DDAH1: variants seen among roughly 807,000 people sequenced by gnomAD.
The protein encoded by DDAH1 is N(G),N(G)-dimethylarginine dimethylaminohydrolase 1.
DDAH1 carries 19 observed loss-of-function variants against 28.8 expected under a neutral mutation model. The observed-to-expected ratio is 0.66, with a 90% confidence interval of 0.46 to 0.97. The LOEUF (loss-of-function observed/expected upper bound fraction) is 0.97. DDAH1 is among the 50% of genes least tolerant of loss of function. The pLI, the probability that DDAH1 is intolerant of heterozygous loss-of-function variation, is 0.00. For synonymous variants in DDAH1, 153 were observed against 154.4 expected, an observed-to-expected ratio of 0.99 and a Z score of 0.07; for missense variants, 326 against 375.9, an observed-to-expected ratio of 0.87 and a Z score of 1.10.
chr1:85,385,230 T>C (rs1651194182), intron 1 of DDAH1, among the ~76,000 whole-genome samples: 1 of 152,230 alleles, frequency 6.6e-6, no homozygotes, highest in Admixed American at 6.5e-5. Context: ...GTAAAGCAGC[T>C]GGAAACACAG....
intron 1 of DDAH1, among the ~76,000 whole-genome samples, chr1:85,393,687 C>A (rs946676849): frequency 6.6e-6 from 1 of 152,152 alleles, no homozygotes; most frequent in African/African-American, 2.4e-5. Context: ...ACTTTTCCTG[C>A]CCATCTTGTC....
At chr1:85,409,152 C>G (rs1652532711) in intron 1 of DDAH1, among the ~76,000 whole-genome samples, 1 of 151,980 alleles carries the variant, frequency 6.6e-6, no homozygotes, top group African/African-American at 2.4e-5. Flanking sequence ...TTTTAGCTCA[C>G]CAGCTATTGT....
chr1:85,351,060 GTTTT>G (rs35352719), intron 3 of DDAH1, among the ~76,000 whole-genome samples: 1 of 137,202 alleles, frequency 7.3e-6, no homozygotes. Flanking sequence ...GGGTTTCCAA[GTTTT>G]TTTTTTTTTT....
At chr1:85,524,330 G>A (rs1657788515) in intron 1 of DDAH1, among the ~76,000 whole-genome samples, 2 of 144,676 alleles carry the variant, frequency 1.4e-5, no homozygotes, top group South Asian at 2.4e-4. Flanking sequence ...CAGCTGGGGT[G>A]ATCTGGAAAA....
chr1:85,406,126 GA>G (rs1404717718), intron 1 of DDAH1, among the ~76,000 whole-genome samples: 5 of 152,184 alleles, frequency 3.3e-5, no homozygotes, highest in Non-Finnish European at 7.3e-5. Flanking sequence ...GCCCAAAGAT[GA>G]GGAGTAATTT....
intron 1 of DDAH1, among the ~76,000 whole-genome samples, chr1:85,503,930 G>A (rs955981652): frequency 1.3e-5 from 2 of 152,114 alleles, no homozygotes; most frequent in African/African-American, 4.8e-5. Context: ...GAATCACAGG[G>A]GATGCGGTCA....
chr1:85,410,200 G>C (rs1013708965), intron 1 of DDAH1, among the ~76,000 whole-genome samples: 9 of 152,200 alleles, frequency 5.9e-5, no homozygotes, highest in Non-Finnish European at 1.3e-4. Context: ...ATAATCGCCT[G>C]AGCCTGGGAG....
chr1:85,449,014 C>T (rs1183273117), intron 1 of DDAH1, among the ~76,000 whole-genome samples: 1 of 152,100 alleles, frequency 6.6e-6, no homozygotes, highest in Non-Finnish European at 1.5e-5. Flanking sequence ...GTTATCGTAC[C>T]TCAAACTTCC....
intron 2 of DDAH1, among the ~76,000 whole-genome samples, chr1:85,491,774 A>C (rs916466288): frequency 6.6e-6 from 1 of 152,198 alleles, no homozygotes; most frequent in South Asian, 2.1e-4. Flanking sequence ...GTTTGATGTC[A>C]GTGTTTTTTC....
intron 1 of DDAH1, among the ~76,000 whole-genome samples, chr1:85,557,996 C>G (rs1261443767): frequency 6.6e-6 from 1 of 151,808 alleles, no homozygotes; most frequent in Non-Finnish European, 1.5e-5. Flanking sequence ...GCGGCCCTAG[C>G]AAATGAATAC....
At chr1:85,468,485 G>T (rs565188584), upstream of DDAH1, among the ~76,000 whole-genome samples, 1 of 152,138 alleles carries the variant, frequency 6.6e-6, no homozygotes, top group East Asian at 1.9e-4. Context: ...TGTCTTACAT[G>T]GCGGCAGGCA....
At chr1:85,572,250 T>C (rs1310389626) in intron 1 of DDAH1, among the ~76,000 whole-genome samples, 1 of 152,126 alleles carries the variant, frequency 6.6e-6, no homozygotes, top group Non-Finnish European at 1.5e-5. Context: ...CAGACTCTCA[T>C]TAAGAAACTG....
intron 1 of DDAH1, among the ~76,000 whole-genome samples, chr1:85,547,258 A>C (rs1019228249): frequency 6.6e-6 from 1 of 152,192 alleles, no homozygotes; most frequent in East Asian, 1.9e-4. Flanking sequence ...GGGCTGTGTA[A>C]GCATTCAACA....
intron 3 of DDAH1, among the ~76,000 whole-genome samples, chr1:85,350,866 G>A (rs574256739): frequency 6.6e-6 from 1 of 152,078 alleles, no homozygotes; most frequent in Non-Finnish European, 1.5e-5. Context: ...GGAGCATCTT[G>A]AGAGTTATAT....
intron 1 of DDAH1, among the ~76,000 whole-genome samples, chr1:85,504,512 A>G (rs1656939719): frequency 3.9e-5 from 6 of 152,222 alleles, no homozygotes; most frequent in Admixed American, 3.9e-4. Context: ...CAGATTTTGA[A>G]TCACAGTAGC....
intron 1 of DDAH1, among the ~76,000 whole-genome samples, chr1:85,438,232 A>G (rs1654031128): frequency 6.6e-6 from 1 of 152,192 alleles, no homozygotes; most frequent in Non-Finnish European, 1.5e-5. Flanking sequence ...CTTTATGCTC[A>G]GTACCTGGGT....
intron 1 of DDAH1, among the ~76,000 whole-genome samples, chr1:85,501,566 C>T (rs937479355): frequency 1.3e-5 from 2 of 152,200 alleles, no homozygotes; most frequent in Non-Finnish European, 2.9e-5. Context: ...GCCTGACCTA[C>T]AAATTCCAAC....
At chr1:85,404,831 T>C (rs1353858402) in intron 1 of DDAH1, among the ~76,000 whole-genome samples, 6 of 152,232 alleles carry the variant, frequency 3.9e-5, no homozygotes, top group Admixed American at 3.9e-4. Context: ...CTATATGTAC[T>C]GTTCTCACTG....
chr1:85,460,703 C>T (rs1285098188), intron 1 of DDAH1, among the ~76,000 whole-genome samples: 1 of 152,104 alleles, frequency 6.6e-6, no homozygotes, highest in Admixed American at 6.5e-5. Context: ...GTACTAAGAA[C>T]CTTTGGACAG....
Sources: allele counts gnomAD v4.1 joint callset (sites outside exome capture counted in the v4.1 genomes callset), GRCh38; gene constraint gnomAD v4.1.1; transcripts MANE v1.5; gene names NCBI Gene and HGNC (gene_info 2026-07-23, HGNC 2026-07-21).